The following SBF2 variants were observed in gnomAD, a reference collection of about 807,000 sequenced individuals.
The protein encoded by SBF2 is SET binding factor 2.
Under a neutral mutation model 225.2 loss-of-function variants are expected in SBF2, and 112 were observed. The observed-to-expected ratio is 0.50, with a 90% CI of 0.43 to 0.58. SBF2 has a LOEUF of 0.58. SBF2 is among the 20% of genes least tolerant of loss of function. SBF2 has a pLI of 0.00. For missense variants in SBF2, 1,996 were observed against 2,206.2 expected (o/e 0.90, Z 1.91); for synonymous variants, 763 against 773.3 (o/e 0.99, Z 0.22).
intron 26 of SBF2, 109 bp from the exon 27 acceptor site, chr11:9,832,529 T>C (rs1855464172): frequency 5.3e-6 from 4 of 751,296 alleles, no homozygotes; most frequent in African/African-American, 1.7e-5. Context: ...AGAAATTGAA[T>C]ACTAATATCA....
At chr11:10,218,268 T>G (rs1250933233) in intron 1 of SBF2, among the ~76,000 whole-genome samples, 1 of 151,020 alleles carries the variant, frequency 6.6e-6, no homozygotes, top group African/African-American at 2.4e-5. Flanking sequence ...TATAAAAGCA[T>G]CAGATCTCGA....
chr11:10,006,795 A>G (rs1174954356), intron 6 of SBF2, among the ~76,000 whole-genome samples: 1 of 152,150 alleles, frequency 6.6e-6, no homozygotes, highest in Non-Finnish European at 1.5e-5. Flanking sequence ...CTTCAAGGTC[A>G]TATTTGAAGG....
At chr11:10,253,324 G>A (rs1244368042) in intron 1 of SBF2, among the ~76,000 whole-genome samples, 2 of 152,102 alleles carry the variant, frequency 1.3e-5, no homozygotes, top group Non-Finnish European at 2.9e-5. Context: ...AAGCAGAAAT[G>A]AGCCACAACT....
Position 9,812,697 on chromosome 11 carries a change from T to C in SBF2, c.3990A>G (p.Val1330=). The change falls in exon 30 of 40, where the codon GTA becomes GTG. Residue 1330 remains valine (V), a synonymous_variant. Transcript: ENST00000256190. The part of the protein sequence containing the change: ...GEKSQLRNFK[V]EFALNCEFVP... ...CAAACTCACAATTTAAAGCAAATTCTACCTTGAAGTTCTGCGGATGAAGAT... is the reference window on the plus strand; with the variant it reads ...CAAACTCACAATTTAAAGCAAATTCCACCTTGAAGTTCTGCGGATGAAGAT... 1.2e-6 allele frequency: 2 copies of C among 1,614,184 alleles called. No homozygotes were observed. Among genetic ancestry groups the C allele is most frequent in the Non-Finnish European group, 1.7e-6 (2 of 1,180,024 alleles).
At chr11:10,027,915 A>C (rs1171461172) in intron 6 of SBF2, among the ~76,000 whole-genome samples, 1 of 152,148 alleles carries the variant, frequency 6.6e-6, no homozygotes, top group Non-Finnish European at 1.5e-5. Context: ...TCATCTATTC[A>C]TCTTTTAGCA....
intron 12 of SBF2, among the ~76,000 whole-genome samples, chr11:9,990,774 T>G (rs1947397748): frequency 6.6e-6 from 1 of 152,250 alleles, no homozygotes; most frequent in South Asian, 2.1e-4. Context: ...TAAGTTACCA[T>G]ATAAAGTTAG....
At chr11:9,967,971 C>CTCTCTCTCTCTATATATATA (rs1260685462) in intron 14 of SBF2, among the ~76,000 whole-genome samples, 2 of 91,508 alleles carry the variant, frequency 2.2e-5, no homozygotes, top group African/African-American at 7.6e-5. Flanking sequence ...CTCTCTCTCT[C>CTCTCTCTCTCTATATATATA]TATATATATA....
At chr11:10,190,231 C>T (rs1229868428) in intron 2 of SBF2, among the ~76,000 whole-genome samples, 1 of 151,684 alleles carries the variant, frequency 6.6e-6, no homozygotes, top group African/African-American at 2.4e-5. Context: ...TGTCTCTGAT[C>T]TAGCCAATAA....
At position 9,789,303 on chromosome 11, in the gene SBF2, A is replaced by G; in HGVS notation, c.4738T>C (p.Trp1580Arg). ...PNVNVSSLKK[W>R]DYYIEETLST... ...AGGGTCTCTTCTATGTAGTAATCCC[A>G]CTTCTTGAGGCTAGAGACGTTTACA... is the stretch of plus-strand genomic sequence containing the variant. The change falls in exon 35 of 40, where the codon TGG (tryptophan) becomes CGG (arginine). Residue 1580 changes from tryptophan to arginine, a missense_variant. Coordinates refer to ENST00000256190, the MANE Select transcript of SBF2 (RefSeq NM_030962.4). 2 of 1,614,064 alleles carry G rather than the reference A, an allele frequency of 1.2e-6. No individual in the cohort carries two copies. The highest frequency in any genetic ancestry group is 1.7e-6 in the Non-Finnish European group (2 of 1,180,006).
intron 2 of SBF2, among the ~76,000 whole-genome samples, chr11:10,182,084 A>T (rs1956759293): frequency 6.6e-6 from 1 of 152,170 alleles, no homozygotes; most frequent in Non-Finnish European, 1.5e-5. Flanking sequence ...TTACAAGGAG[A>T]TGACCATACA....
At chr11:10,070,401 T>C (rs1188922808) in intron 2 of SBF2, among the ~76,000 whole-genome samples, 1 of 152,206 alleles carries the variant, frequency 6.6e-6, no homozygotes, top group African/African-American at 2.4e-5. Flanking sequence ...CCCAACACCA[T>C]TTATTAAATA....
chr11:10,291,266 A>T (rs1964140712), intron 1 of SBF2, among the ~76,000 whole-genome samples: 1 of 152,080 alleles, frequency 6.6e-6, no homozygotes. Context: ...TGTGAATGGG[A>T]TTAGTTCCCT....
At chr11:9,836,389 T>C (rs1157578003) in intron 26 of SBF2, among the ~76,000 whole-genome samples, 1 of 152,148 alleles carries the variant, frequency 6.6e-6, no homozygotes, top group Non-Finnish European at 1.5e-5. Context: ...TGCTCTTAAG[T>C]GTTATTTTTA....
chr11:10,124,541 T>C (rs1953647491), intron 2 of SBF2, among the ~76,000 whole-genome samples: 1 of 152,232 alleles, frequency 6.6e-6, no homozygotes, highest in Admixed American at 6.5e-5. Context: ...AATGCTCTAA[T>C]ATCAAGTTTT....
intron 2 of SBF2, among the ~76,000 whole-genome samples, chr11:10,056,874 G>T (rs1231773451): frequency 1.3e-5 from 2 of 152,146 alleles, no homozygotes; most frequent in Admixed American, 1.3e-4. Context: ...GGCAACTGGG[G>T]GCTGAAATGG....
chr11:9,802,051 T>C (rs541705071), intron 32 of SBF2, among the ~76,000 whole-genome samples: 1 of 152,356 alleles, frequency 6.6e-6, no homozygotes, highest in Admixed American at 6.5e-5. Flanking sequence ...TAAAAAATAC[T>C]GAAAAAGTTC....
At chr11:10,212,482 C>T (rs952329701) in intron 1 of SBF2, among the ~76,000 whole-genome samples, 1 of 152,184 alleles carries the variant, frequency 6.6e-6, no homozygotes, top group Non-Finnish European at 1.5e-5. Context: ...GTGATATTAT[C>T]ACAAGGTCCT....
At chr11:9,834,083 ATTTATTTTATT>A (rs1855588650) in intron 26 of SBF2, among the ~76,000 whole-genome samples, 1 of 146,326 alleles carries the variant, frequency 6.8e-6, no homozygotes, top group African/African-American at 2.6e-5. Flanking sequence ...GTATCTTTTT[ATTTATTTTATT>A]TTTTATTTAT....
chr11:10,037,860 T>C (rs1447491017), intron 3 of SBF2, among the ~76,000 whole-genome samples: 3 of 152,040 alleles, frequency 2.0e-5, no homozygotes, highest in African/African-American at 7.2e-5. Flanking sequence ...CACTGTTTTA[T>C]ACCATCTAGA....
Sources: allele counts gnomAD v4.1 joint callset (sites outside exome capture counted in the v4.1 genomes callset), GRCh38; gene constraint gnomAD v4.1.1; transcripts MANE v1.5; gene names NCBI Gene and HGNC (gene_info 2026-07-23, HGNC 2026-07-21).